The following MYO3A variants were observed in gnomAD, a reference collection of about 807,000 sequenced individuals.
The protein encoded by MYO3A is myosin IIIA.
MYO3A carries 180 observed loss-of-function variants against 192.7 expected under a neutral mutation model. That is an observed-to-expected ratio of 0.93 (90% CI 0.83 to 1.06). The LOEUF (loss-of-function observed/expected upper bound fraction) is 1.06. MYO3A is among the 50% of genes least tolerant of loss of function. MYO3A has a pLI of 0.00. For missense variants in MYO3A, 1,896 were observed against 1,905.0 expected (o/e 1.00, Z 0.09); for synonymous variants, 628 against 645.3 (o/e 0.97, Z 0.41).
intron 14 of MYO3A, among the ~76,000 whole-genome samples, chr10:26,071,375 A>G (rs1303084853): frequency 6.6e-6 from 1 of 152,204 alleles, no homozygotes; most frequent in Non-Finnish European, 1.5e-5. Context: ...ATGTTATACA[A>G]ATTTTTAACT....
chr10:26,042,989 C>A (rs546528078), intron 10 of MYO3A, among the ~76,000 whole-genome samples: 7 of 152,248 alleles, frequency 4.6e-5, no homozygotes, highest in Admixed American at 2.0e-4. Flanking sequence ...AAGGACTGGG[C>A]TGTTGTGATC....
chr10:26,141,692 A>G (rs1244002408), intron 20 of MYO3A, among the ~76,000 whole-genome samples: 7 of 152,142 alleles, frequency 4.6e-5, no homozygotes, highest in African/African-American at 1.4e-4. Flanking sequence ...TTCTAGGTCT[A>G]CTCACTTCTC....
chr10:26,105,650 CTG>C (rs1322465544), intron 17 of MYO3A, among the ~76,000 whole-genome samples: 27 of 151,896 alleles, frequency 1.8e-4, no homozygotes, highest in Admixed American at 8.5e-4. Context: ...TATAATTTGT[CTG>C]TGACTTACTT....
intron 4 of MYO3A, among the ~76,000 whole-genome samples, chr10:25,983,396 C>T (rs1839452540): frequency 6.6e-6 from 1 of 151,906 alleles, no homozygotes; most frequent in Admixed American, 6.6e-5. Context: ...GCTGGGACTA[C>T]AGGCGCCCGC....
At chr10:26,018,829 A>G (rs1842120480) in intron 7 of MYO3A, among the ~76,000 whole-genome samples, 1 of 152,226 alleles carries the variant, frequency 6.6e-6, no homozygotes, top group African/African-American at 2.4e-5. Flanking sequence ...CCACACATGT[A>G]AATTCATGAA....
intron 14 of MYO3A, among the ~76,000 whole-genome samples, chr10:26,079,465 C>A (rs1835787873): frequency 6.6e-6 from 1 of 152,154 alleles, no homozygotes; most frequent in South Asian, 2.1e-4. Context: ...AGTTCCGTAT[C>A]TTTTAAGTGG....
chr10:26,086,700 CCTTA>C (rs1267010411), intron 14 of MYO3A, among the ~76,000 whole-genome samples: 1 of 152,080 alleles, frequency 6.6e-6, no homozygotes, highest in African/African-American at 2.4e-5. Flanking sequence ...ACCACCCTCT[CCTTA>C]CTTCTAGAAG....
intron 7 of MYO3A, among the ~76,000 whole-genome samples, chr10:26,020,525 T>G (rs2131075419): frequency 6.6e-6 from 1 of 152,332 alleles, no homozygotes; most frequent in East Asian, 1.9e-4. Context: ...ATTTTTCACT[T>G]TATATATCAT....
intron 10 of MYO3A, among the ~76,000 whole-genome samples, chr10:26,047,072 A>G (rs941577002): frequency 6.6e-6 from 1 of 152,186 alleles, no homozygotes; most frequent in Non-Finnish European, 1.5e-5. Context: ...TTTTAGCTTC[A>G]TTAAATGGAC....
chr10:26,030,140 G>C (rs1413812071), intron 10 of MYO3A, among the ~76,000 whole-genome samples: 12 of 151,998 alleles, frequency 7.9e-5, no homozygotes, highest in Non-Finnish European at 8.8e-5. Flanking sequence ...CCACACCTCG[G>C]TCAAGGCCTT....
chr10:26,041,620 G>A (rs1843353239), intron 10 of MYO3A, among the ~76,000 whole-genome samples: 1 of 151,840 alleles, frequency 6.6e-6, no homozygotes, highest in African/African-American at 2.4e-5. Flanking sequence ...GCCACCACAA[G>A]GCTTGCACAT....
chr10:26,060,896 A>G (rs1201687069), intron 10 of MYO3A, among the ~76,000 whole-genome samples: 1 of 152,038 alleles, frequency 6.6e-6, no homozygotes, highest in Non-Finnish European at 1.5e-5. Context: ...AAGGTAATGA[A>G]GATTCAAGAC....
intron 10 of MYO3A, among the ~76,000 whole-genome samples, chr10:26,062,511 A>G (rs73610386): frequency 0.45 from 56,950 of 126,712 alleles, 13,850 homozygotes; most frequent in Middle Eastern, 0.57. Flanking sequence ...GTGAGATGCC[A>G]TCTCAAAAAA....
At chr10:26,074,601 A>G (rs1180793012) in intron 14 of MYO3A, among the ~76,000 whole-genome samples, 1 of 147,746 alleles carries the variant, frequency 6.8e-6, no homozygotes, top group Non-Finnish European at 1.5e-5. Context: ...TATATAATAT[A>G]TATTATATTT....
chr10:26,044,765 G>T (rs1843542015), intron 10 of MYO3A, among the ~76,000 whole-genome samples: 2 of 152,008 alleles, frequency 1.3e-5, no homozygotes, highest in Admixed American at 6.6e-5. Flanking sequence ...TCCTAAGGAA[G>T]GGTGGGGCTA....
intron 4 of MYO3A, among the ~76,000 whole-genome samples, chr10:25,973,947 G>A (rs900071942): frequency 2.6e-5 from 4 of 152,078 alleles, no homozygotes; most frequent in Non-Finnish European, 5.9e-5. Context: ...AATGCAAGAT[G>A]GATTAAAGAC....
intron 4 of MYO3A, among the ~76,000 whole-genome samples, chr10:25,988,445 G>T (rs1839793112): frequency 6.6e-6 from 1 of 152,130 alleles, no homozygotes; most frequent in African/African-American, 2.4e-5. Context: ...TGCTGATGAA[G>T]ATATGGAACA....
chr10:26,063,402 A>G (rs369227439), intron 10 of MYO3A, among the ~76,000 whole-genome samples: 2 of 152,248 alleles, frequency 1.3e-5, no homozygotes, highest in African/African-American at 4.8e-5. Flanking sequence ...ATTTTTTCCT[A>G]TGTTATCTTC....
At chr10:26,141,965 G>T (rs1840191653) in intron 20 of MYO3A, among the ~76,000 whole-genome samples, 1 of 152,206 alleles carries the variant, frequency 6.6e-6, no homozygotes, top group African/African-American at 2.4e-5. Flanking sequence ...CCTGCCACTG[G>T]CTACATTGCA....
Sources: gnomAD v4.1 joint callset for allele counts (sites outside exome capture counted in the v4.1 genomes callset) on GRCh38, gnomAD v4.1.1 for gene constraint, MANE v1.5 for transcripts, NCBI Gene and HGNC (gene_info 2026-07-23, HGNC 2026-07-21) for gene names.